Variants in CNTN5 observed in about 807,000 individuals in gnomAD.
CNTN5 encodes the protein contactin 5, also known as contactin-5.
In CNTN5, 77 loss-of-function variants were observed where a neutral mutation model predicts 129.1. The observed-to-expected ratio is 0.60, with a 90% CI of 0.50 to 0.72. The LOEUF (loss-of-function observed/expected upper bound fraction) is 0.72. CNTN5 is among the 30% of genes least tolerant of loss of function. The pLI, the probability that CNTN5 is intolerant of heterozygous loss-of-function variation, is 0.00. For synonymous variants in CNTN5, 509 were observed against 465.6 expected (o/e 1.09, Z -1.20); for missense variants, 1,478 against 1,328.8 (o/e 1.11, Z -1.75).
chr11:99,613,497 A>C (rs972914678), intron 3 of CNTN5, among the ~76,000 whole-genome samples: 2 of 152,222 alleles, frequency 1.3e-5, no homozygotes, highest in Non-Finnish European at 2.9e-5. Flanking sequence ...CTATAGCAGC[A>C]TGAAAATAGA....
intron 2 of CNTN5, among the ~76,000 whole-genome samples, chr11:99,430,719 T>C (rs1194702168): frequency 6.6e-6 from 1 of 151,320 alleles, no homozygotes; most frequent in East Asian, 1.9e-4. Context: ...ACCATAGGCC[T>C]CCAAAACAAA....
intron 13 of CNTN5, among the ~76,000 whole-genome samples, chr11:100,172,956 G>A (rs1384447224): frequency 6.6e-6 from 1 of 152,032 alleles, no homozygotes; most frequent in Non-Finnish European, 1.5e-5. Context: ...GATACCAAAG[G>A]CAAAGGTAGC....
intron 1 of CNTN5, among the ~76,000 whole-genome samples, chr11:99,105,673 G>A (rs1866962044): frequency 6.6e-6 from 1 of 152,066 alleles, no homozygotes; most frequent in Non-Finnish European, 1.5e-5. Context: ...GCAATATATG[G>A]GCAGTCAAGA....
chr11:99,703,229 T>C (rs1210414078), intron 3 of CNTN5, among the ~76,000 whole-genome samples: 1 of 102,910 alleles, frequency 9.7e-6, no homozygotes, highest in Non-Finnish European at 2.0e-5. Flanking sequence ...TATTTGGGGT[T>C]TTTTTTTTTT....
rs1026459283 is a variant in CNTN5, at chr11:99,639,116, G to A, written c.55+82847G>A. Among the ~76,000 whole-genome samples the A allele has an allele frequency of 3.3e-5, 5 of 152,192 alleles. No homozygotes were observed. In the South Asian group the frequency reaches 1.0e-3, roughly 32 times the overall value. On this transcript the variant is annotated intron_variant, in intron 3 of 24. Coordinates refer to ENST00000524871, the MANE Select transcript of CNTN5 (RefSeq NM_014361.4). ...CCAAACCTCAATTCTTGACTTCTGT[G>A]TACCTTCAGGCTCAAGACCACGTGG... is the stretch of plus-strand genomic sequence containing the variant.
At chr11:99,917,007 G>A (rs1208986318) in intron 7 of CNTN5, among the ~76,000 whole-genome samples, 1 of 151,906 alleles carries the variant, frequency 6.6e-6, no homozygotes, top group Non-Finnish European at 1.5e-5. Flanking sequence ...TATTATCAGG[G>A]TAGTAATGGA....
At chr11:99,532,626 CTT>C (rs1947755991) in intron 2 of CNTN5, among the ~76,000 whole-genome samples, 2 of 152,302 alleles carry the variant, frequency 1.3e-5, no homozygotes, top group Non-Finnish European at 2.9e-5. Context: ...GGTGGCCAGT[CTT>C]TCCCATGTTA....
intron 2 of CNTN5, among the ~76,000 whole-genome samples, chr11:99,382,976 C>T (rs1469677108): frequency 6.7e-6 from 1 of 148,242 alleles, no homozygotes; most frequent in East Asian, 2.1e-4. Flanking sequence ...CCTGCCTCAG[C>T]CTCCTGAGTA....
At chr11:99,826,791 C>T (rs1591265427) in intron 4 of CNTN5, among the ~76,000 whole-genome samples, 2 of 152,068 alleles carry the variant, frequency 1.3e-5, no homozygotes, top group African/African-American at 4.8e-5. Context: ...AACAGCAAGC[C>T]TCCATTAATC....
intron 2 of CNTN5, among the ~76,000 whole-genome samples, chr11:99,390,682 G>A (rs930271231): frequency 2.0e-5 from 3 of 151,894 alleles, no homozygotes; most frequent in Non-Finnish European, 2.9e-5. Flanking sequence ...TGTGTTATTC[G>A]TTCTTAAATA....
intron 2 of CNTN5, among the ~76,000 whole-genome samples, chr11:99,531,620 G>A (rs1267512220): frequency 6.6e-6 from 1 of 152,150 alleles, no homozygotes; most frequent in African/African-American, 2.4e-5. Flanking sequence ...CAGGCCCAGC[G>A]TCCCCGTGCT....
At chr11:99,115,979 T>C (rs916024691) in intron 1 of CNTN5, among the ~76,000 whole-genome samples, 8 of 152,170 alleles carry the variant, frequency 5.3e-5, no homozygotes, top group African/African-American at 1.7e-4. Flanking sequence ...AAAAAATATG[T>C]TTCTGAAAAT....
At chr11:99,670,077 T>C (rs1952971337) in intron 3 of CNTN5, among the ~76,000 whole-genome samples, 1 of 152,158 alleles carries the variant, frequency 6.6e-6, no homozygotes, top group Admixed American at 6.5e-5. Flanking sequence ...ATGTCTTTGG[T>C]TCTTATTATT....
rs397701475 is a variant in CNTN5, at chr11:100,110,273, A to AATAT, written c.1580+35979_1580+35980insATAT. Among the ~76,000 whole-genome samples, 1,387 of 151,554 alleles carry AATAT rather than the reference A, an allele frequency of 9.2e-3. 25 individuals carry two copies. Among genetic ancestry groups the AATAT allele is most frequent in the Non-Finnish European group, 0.012 (813 of 67,870 alleles). On this transcript the variant is annotated intron_variant, in intron 13 of 24. Coordinates refer to ENST00000524871, the MANE Select transcript of CNTN5 (RefSeq NM_014361.4). Reference sequence around the variant, plus strand: ...CTCTATAAGTTCTAGAAATCTAATAATGCCAAATTTTTAGCATTTAAGTAA... The same window carrying AATAT: ...CTCTATAAGTTCTAGAAATCTAATAAATATTGCCAAATTTTTAGCATTTAAGTAA...
At position 99,349,778 on chromosome 11, in the gene CNTN5, GT is replaced by G. The variant is rs371808092; in HGVS notation, c.-71+24296del. Among the ~76,000 whole-genome samples the G allele has an allele frequency of 2.4e-4, 37 of 152,230 alleles. 1 individual carries two copies. In the South Asian group the frequency reaches 7.5e-3, roughly 31 times the overall value. ...GGTGGCATGTAACATAGATGAGTGG[GT>G]TGAAGGATGGATAAGAATGTGATAA... On this transcript the variant is annotated intron_variant, in intron 2 of 24. Transcript: ENST00000524871.
intron 2 of CNTN5, among the ~76,000 whole-genome samples, chr11:99,464,558 A>G (rs1316158283): frequency 6.6e-6 from 1 of 152,220 alleles, no homozygotes; most frequent in Non-Finnish European, 1.5e-5. Flanking sequence ...CCCTTGAAAT[A>G]TAACAGGAAA....
At chr11:99,369,186 T>C (rs1939660507) in intron 2 of CNTN5, among the ~76,000 whole-genome samples, 1 of 135,320 alleles carries the variant, frequency 7.4e-6, no homozygotes, top group South Asian at 2.2e-4. Flanking sequence ...ATATAATATA[T>C]ATAATATAAC....
chr11:99,191,242 T>C (rs901568202), intron 1 of CNTN5, among the ~76,000 whole-genome samples: 5 of 151,838 alleles, frequency 3.3e-5, no homozygotes, highest in African/African-American at 4.8e-5. Context: ...TTCAGTGAGA[T>C]AGTATTTTGT....
At chr11:99,236,740 C>T (rs1477086151) in intron 1 of CNTN5, among the ~76,000 whole-genome samples, 1 of 152,100 alleles carries the variant, frequency 6.6e-6, no homozygotes, top group Non-Finnish European at 1.5e-5. Flanking sequence ...AAACAAATTA[C>T]ATACGATCGA....
Sources: allele counts gnomAD v4.1 joint callset (sites outside exome capture counted in the v4.1 genomes callset), GRCh38; gene constraint gnomAD v4.1.1; transcripts MANE v1.5; gene names NCBI Gene and HGNC (gene_info 2026-07-23, HGNC 2026-07-21).